SLC25A28: variants seen among roughly 807,000 people sequenced by gnomAD.
SLC25A28 encodes solute carrier family 25 member 28, also known as mitoferrin-2.
A neutral mutation model predicts 31.9 loss-of-function variants in SLC25A28; 10 were observed. The ratio of observed to expected loss-of-function variants is 0.31; its 90% CI spans 0.19 to 0.53. The LOEUF is 0.53. Ranked by LOEUF, SLC25A28 falls within the 20% of genes least tolerant of loss-of-function variation. The pLI is 0.95. For synonymous variants in SLC25A28, 208 were observed against 203.6 expected, an observed-to-expected ratio of 1.02 and a Z score of -0.19; for missense variants, 256 against 490.3, an observed-to-expected ratio of 0.52 and a Z score of 4.51.
chr10:99,655,315 C>CA, the SLC25A28 span, among the ~76,000 whole-genome samples: 9 of 148,582 alleles, frequency 6.1e-5, no homozygotes, highest in South Asian at 1.5e-3. Context: ...GACCCCTTCT[C>CA]AAAAAAAAAG....
At chr10:99,615,754 T>G in intron 1 of SLC25A28, 1 of 985,456 alleles carries the variant, frequency 1.0e-6, no homozygotes, top group South Asian at 4.7e-5. Flanking sequence ...GAGCTACTAA[T>G]AAGCAAAGAT....
At chr10:99,625,492 A>G (rs2034867680), upstream of SLC25A28, among the ~76,000 whole-genome samples, 1 of 152,228 alleles carries the variant, frequency 6.6e-6, no homozygotes, top group East Asian at 1.9e-4. Context: ...CCAGAAGCCC[A>G]GCTGGCTTCA....
At chr10:99,620,742 T>C (rs1220869782), upstream of SLC25A28, 2 of 985,394 alleles carry the variant, frequency 2.0e-6, no homozygotes, top group African/African-American at 1.7e-5. Flanking sequence ...CAACCACTCT[T>C]GATACTTTGA....
chr10:99,613,780 C>T lies in SLC25A28; in HGVS notation c.436G>A (p.Ala146Thr), dbSNP rs753803669. The change falls in exon 2 of 4, where the codon GCC becomes ACC. Residue 146 changes from alanine to threonine, a missense_variant. Transcript: ENST00000370495. The surrounding 1 kb of genome is among the most constrained non-coding windows in gnomAD (Gnocchi z 4.9). ...TTTTCGTAGCAGGCAAAATAAAGGGCGTGGGCAGGCCCTGCGCCTGTTGCT... is the reference window on the plus strand; with the variant it reads ...TTTTCGTAGCAGGCAAAATAAAGGGTGTGGGCAGGCCCTGCGCCTGTTGCT... The part of the protein sequence containing the change: ...VTATGAGPAH[A>T]LYFACYEKLK... 6.2e-7 allele frequency: 1 copy of T among 1,614,230 alleles called. No individual in the cohort carries two copies. Among genetic ancestry groups the T allele is most frequent in the South Asian group, 1.1e-5 (1 of 91,086 alleles).
Position 99,613,093 on chromosome 10 carries a change from C to A in SLC25A28, c.521-494G>T, listed in dbSNP as rs2034568711. Among the ~76,000 whole-genome samples the A allele has an allele frequency of 6.6e-6, 1 of 152,194 alleles. No homozygotes were observed. The highest frequency in any genetic ancestry group is 2.1e-4 in the South Asian group (1 of 4,834). ...GGTCCTGAACTACTCTACCCCTCATCCTCTCCACACTCAACTTGGTTTCCA... is the reference window on the plus strand; with the variant it reads ...GGTCCTGAACTACTCTACCCCTCATACTCTCCACACTCAACTTGGTTTCCA... On this transcript the variant is annotated intron_variant, in intron 2 of 3. Transcript: ENST00000370495. This position sits in a 1 kb window ranked among gnomAD's most constrained non-coding sequence, Gnocchi z 4.9.
the SLC25A28 span, among the ~76,000 whole-genome samples, chr10:99,639,162 G>A: frequency 6.6e-6 from 1 of 151,806 alleles, no homozygotes; most frequent in African/African-American, 2.4e-5. Flanking sequence ...CCATAAAAAG[G>A]AGTGAACCAA....
At chr10:99,625,937 T>A in the SLC25A28 span, among the ~76,000 whole-genome samples, 1 of 152,336 alleles carries the variant, frequency 6.6e-6, no homozygotes, top group Non-Finnish European at 1.5e-5. Flanking sequence ...TCAGACCACT[T>A]GTGCTCAGAC....
intron 1 of SLC25A28, 141 bp from the exon 2 acceptor site, chr10:99,614,065 G>A: frequency 9.5e-7 from 1 of 1,047,834 alleles, no homozygotes. Flanking sequence ...CCAATCTATA[G>A]CTGATCTTTC....
At chr10:99,650,174 C>G in the SLC25A28 span, among the ~76,000 whole-genome samples, 4 of 152,042 alleles carry the variant, frequency 2.6e-5, no homozygotes, top group African/African-American at 9.7e-5. Flanking sequence ...AAATTTCCAT[C>G]TTAATTTCTT....
At chr10:99,648,234 A>G in the SLC25A28 span, among the ~76,000 whole-genome samples, 2 of 151,302 alleles carry the variant, frequency 1.3e-5, no homozygotes, top group African/African-American at 2.4e-5. Context: ...TTCTGGCCTC[A>G]AGTAATCCAC....
At chr10:99,650,404 T>C in the SLC25A28 span, among the ~76,000 whole-genome samples, 2 of 152,284 alleles carry the variant, frequency 1.3e-5, no homozygotes, top group South Asian at 4.1e-4. Flanking sequence ...GGTTTTGAAC[T>C]CTCACAGGGC....
the SLC25A28 span, among the ~76,000 whole-genome samples, chr10:99,637,970 A>G: frequency 6.6e-6 from 1 of 152,212 alleles, no homozygotes; most frequent in Admixed American, 6.6e-5. Context: ...ATGGAACCAA[A>G]AAGAGCCCGC....
chr10:99,648,536 TG>T, the SLC25A28 span, among the ~76,000 whole-genome samples: 1 of 152,206 alleles, frequency 6.6e-6, no homozygotes, highest in South Asian at 2.1e-4. Context: ...TAGATTACTT[TG>T]GGGACTATGG....
At chr10:99,655,287 G>C in the SLC25A28 span, among the ~76,000 whole-genome samples, 1 of 152,138 alleles carries the variant, frequency 6.6e-6, no homozygotes, top group Non-Finnish European at 1.5e-5. Context: ...CTGCATTCCA[G>C]CCTGGGGGAC....
chr10:99,623,451 G>T (rs2034829044), upstream of SLC25A28, among the ~76,000 whole-genome samples: 1 of 152,072 alleles, frequency 6.6e-6, no homozygotes, highest in Admixed American at 6.5e-5. Flanking sequence ...AGTCTTCCTT[G>T]ACTGCCCATT....
In SLC25A28 at chr10:99,620,293, G is replaced by GGCC; in HGVS notation, c.42_43insGGC (p.Gly14dup). On this transcript the variant is annotated inframe_insertion, in exon 1 of 4. Coordinates refer to ENST00000370495, the MANE Select transcript of SLC25A28 (RefSeq NM_031212.4). ...GGGCTCCGCCCGGGCCCTGCCGCCG[G>GGCC]CCCCCCCGCCACACCGCCAGCACCC... is the stretch of plus-strand genomic sequence containing the variant. The GGCC allele has an allele frequency of 1.7e-6, 2 of 1,170,562 alleles. No homozygotes were observed. The highest frequency in any genetic ancestry group is 2.1e-6 in the Non-Finnish European group (2 of 949,184). 72.5% of individuals were successfully genotyped at this position (1,170,562 alleles called of 1,614,324 possible). A position where few individuals can be genotyped will look rare whatever the true frequency, so the allele number is the denominator to read the frequency against.
In SLC25A28 at chr10:99,612,962, G is replaced by A. The variant is rs1280010210; in HGVS notation, c.521-363C>T. ...GCCACCAGTGGAGGGAGATACGGGGGCCAGGTGGTCAGATCTCACAGAACC... is the reference window on the plus strand; with the variant it reads ...GCCACCAGTGGAGGGAGATACGGGGACCAGGTGGTCAGATCTCACAGAACC... On this transcript the variant is annotated intron_variant, in intron 2 of 3. Transcript: ENST00000370495. Among the ~76,000 whole-genome samples, 3 of 152,156 alleles carry A rather than the reference G, an allele frequency of 2.0e-5. No homozygotes were observed. The East Asian group carries it at 5.8e-4, about 29-fold the overall frequency.
upstream of SLC25A28, among the ~76,000 whole-genome samples, chr10:99,624,333 C>G (rs914804969): frequency 2.0e-5 from 3 of 151,906 alleles, no homozygotes; most frequent in African/African-American, 7.3e-5. Flanking sequence ...TAGGCTCAAG[C>G]AATCCTCTTG....
At position 99,618,693 on chromosome 10, in the gene SLC25A28, GATAT is replaced by G. The variant is rs1374505621; in HGVS notation, c.291+1348_291+1351del. On this transcript the variant is annotated intron_variant, in intron 1 of 3. Coordinates refer to ENST00000370495, the MANE Select transcript of SLC25A28 (RefSeq NM_031212.4). ...AAGTGCATTTACCCCGTTTTCAATGGATATGGCCCTTGTTAGGAGTTACCTTGTG... is the reference window on the plus strand; with the variant it reads ...AAGTGCATTTACCCCGTTTTCAATGGGGCCCTTGTTAGGAGTTACCTTGTG... 1.7e-5 allele frequency: 17 copies of G among 985,316 alleles called. No homozygotes were observed. The African/African-American group carries it at 2.3e-4, about 13-fold the overall frequency. The allele number at this position is 985,316 out of a possible 1,614,324, so 61.0% of individuals were successfully genotyped here.
Sources: allele counts gnomAD v4.1 joint callset (sites outside exome capture counted in the v4.1 genomes callset), GRCh38; gene constraint gnomAD v4.1.1; non-coding constraint Gnocchi (gnomAD v3.1); transcripts MANE v1.5; gene names NCBI Gene and HGNC (gene_info 2026-07-23, HGNC 2026-07-21).